Variants in HIVEP3 observed in about 807,000 individuals in gnomAD.
The protein encoded by HIVEP3 is HIVEP zinc finger 3, also known as transcription factor HIVEP3.
HIVEP3 carries 49 observed loss-of-function variants against 152.8 expected under a neutral mutation model. The ratio of observed to expected loss-of-function variants is 0.32; its 90% confidence interval spans 0.26 to 0.41. HIVEP3 has a LOEUF of 0.41. HIVEP3 is among the 10% of genes least tolerant of loss of function. The pLI is 1.00. For synonymous variants in HIVEP3, 1,269 were observed against 1,289.0 expected, an observed-to-expected ratio of 0.98 and a Z score of 0.33; for missense variants, 2,790 against 3,103.3, an observed-to-expected ratio of 0.90 and a Z score of 2.40.
At chr1:41,978,901 C>A (rs1645278391) in intron 1 of HIVEP3, among the ~76,000 whole-genome samples, 1 of 152,126 alleles carries the variant, frequency 6.6e-6, no homozygotes, top group Non-Finnish European at 1.5e-5. Context: ...ACCCCTGCCC[C>A]AACGATCACT....
chr1:41,531,107 A>C (rs912143110), intron 5 of HIVEP3, among the ~76,000 whole-genome samples: 1 of 147,002 alleles, frequency 6.8e-6, no homozygotes, highest in Non-Finnish European at 1.5e-5. Context: ...GATGGGAGAG[A>C]AGGGAGGACA....
Position 41,584,299 on chromosome 1 carries a change from G to A in HIVEP3, c.499C>T (p.Arg167Cys), listed in dbSNP as rs745622106. 57 of 1,613,664 alleles carry A rather than the reference G, an allele frequency of 3.5e-5. No individual in the cohort carries two copies. The highest frequency in any genetic ancestry group is 1.1e-4 in the East Asian group (5 of 44,878). ...LPGVPKVFVP[R>C]PSQVSLKPTE... ...GGCTTCAAGGAGACCTGGGAAGGAC[G>A]AGGCACGAAGACTTTGGGGACTCCA... is the stretch of plus-strand genomic sequence containing the variant. The change falls in exon 4 of 9, where the codon CGT becomes TGT. Residue 167 changes from arginine (R) to cysteine (C), a missense_variant. Around this residue, in one of 9 missense-constraint regions of HIVEP3, gnomAD observed 209 missense variants for 237.0 expected, o/e 0.88. Transcript: ENST00000372583. The surrounding 1 kb of genome is among the most constrained non-coding windows in gnomAD (Gnocchi z 5.2).
In HIVEP3 at chr1:41,994,438, A is replaced by G. The variant is rs561378191; in HGVS notation, n.119+41369T>C. ...TTGAATTGTAATTCCCAATGTTGGGAAAGGGACCTGATGGTAGGTAATTGG... is the reference window on the plus strand; with the variant it reads ...TTGAATTGTAATTCCCAATGTTGGGGAAGGGACCTGATGGTAGGTAATTGG... On this transcript the variant is annotated intron_variant and non_coding_transcript_variant, in intron 1 of 3. Transcript: ENST00000489103. Among the ~76,000 whole-genome samples the G allele has an allele frequency of 3.9e-5, 6 of 152,260 alleles. No individual in the cohort carries two copies. The East Asian group carries it at 9.7e-4, about 25-fold the overall frequency.
At chr1:41,628,196 T>C (rs1401482633) in intron 3 of HIVEP3, among the ~76,000 whole-genome samples, 3 of 152,162 alleles carry the variant, frequency 2.0e-5, no homozygotes, top group African/African-American at 4.8e-5. Flanking sequence ...CCAAGAATCA[T>C]TGCCCCAACC....
intron 1 of HIVEP3, among the ~76,000 whole-genome samples, chr1:41,927,144 C>G (rs1439842520): frequency 6.6e-6 from 1 of 152,216 alleles, no homozygotes; most frequent in Non-Finnish European, 1.5e-5. Flanking sequence ...TTCCCTGAGT[C>G]TTGTAAGCTT....
At chr1:41,649,221 A>ACCCTT (rs1645507909) in intron 2 of HIVEP3, among the ~76,000 whole-genome samples, 4 of 152,162 alleles carry the variant, frequency 2.6e-5, no homozygotes, top group Non-Finnish European at 5.9e-5. Context: ...GGGAGACAAA[A>ACCCTT]ATGTCTCCCA....
chr1:41,636,468 C>T (rs1558135085), intron 2 of HIVEP3, among the ~76,000 whole-genome samples: 1 of 152,196 alleles, frequency 6.6e-6, no homozygotes, highest in East Asian at 1.9e-4. Context: ...AATCTAACTA[C>T]ATAAAAATAT....
chr1:41,720,665 A>G (rs1646661584), intron 1 of HIVEP3, among the ~76,000 whole-genome samples: 1 of 152,218 alleles, frequency 6.6e-6, no homozygotes, highest in African/African-American at 2.4e-5. Flanking sequence ...TAAAAATAGA[A>G]CTACCATATG....
intron 1 of HIVEP3, among the ~76,000 whole-genome samples, chr1:41,726,570 G>T (rs915121369): frequency 1.3e-5 from 2 of 152,194 alleles, no homozygotes; most frequent in African/African-American, 4.8e-5. Flanking sequence ...GCCTCACCAC[G>T]ATTTGAACTG....
intron 7 of HIVEP3, among the ~76,000 whole-genome samples, chr1:41,515,917 T>C (rs1172155608): frequency 6.6e-6 from 1 of 152,110 alleles, no homozygotes; most frequent in Non-Finnish European, 1.5e-5. Flanking sequence ...TGGGGTGGGA[T>C]TGTCAGCATT....
chr1:41,857,983 A>ATCAATCAATCTCTCTCTCTC (rs1553123644), intron 1 of HIVEP3, among the ~76,000 whole-genome samples: 1 of 148,484 alleles, frequency 6.7e-6, no homozygotes, highest in Non-Finnish European at 1.5e-5. Flanking sequence ...CAATCAATCA[A>ATCAATCAATCTCTCTCTCTC]TCTCTCTCTC....
At chr1:41,719,935 G>A (rs1646651506) in intron 1 of HIVEP3, among the ~76,000 whole-genome samples, 1 of 152,236 alleles carries the variant, frequency 6.6e-6, no homozygotes, top group African/African-American at 2.4e-5. Flanking sequence ...CATCAGGCCA[G>A]GCTGTCTCTT....
In HIVEP3 at chr1:41,582,501, G is replaced by C. The variant is rs759303372; in HGVS notation, c.2297C>G (p.Ser766Cys). Residue 766 changes from serine to cysteine, a missense_variant, in exon 4 of 9, where the codon TCC becomes TGC. This residue lies in a region of HIVEP3 where 339 missense variants were observed against 327.0 expected (regional missense o/e 1.04). Transcript: ENST00000372583. This position sits in a 1 kb window ranked among gnomAD's most constrained non-coding sequence, Gnocchi z 4.7. ...SPAEPSKSVP[S>C]LEGPTGFQPR... ...CTGGAAGCCCGTGGGTCCCTCCAAG[G>C]AGGGCACTGATTTACTTGGTTCTGC... The C allele has an allele frequency of 6.2e-7, 1 of 1,612,628 alleles. No individual in the cohort carries two copies. Among genetic ancestry groups the C allele is most frequent in the South Asian group, 1.1e-5 (1 of 90,888 alleles).
chr1:41,600,744 A>G (rs1325661064), intron 3 of HIVEP3, among the ~76,000 whole-genome samples: 3 of 152,218 alleles, frequency 2.0e-5, no homozygotes, highest in African/African-American at 7.2e-5. Flanking sequence ...ACTACAAGCA[A>G]GAGGTTATCT....
In HIVEP3 at chr1:41,584,473, T is replaced by C. The variant is rs1644472476; in HGVS notation, c.325A>G (p.Lys109Glu). The change falls in exon 4 of 9, where the codon AAA (lysine) becomes GAA (glutamate). Residue 109 changes from lysine to glutamate, a missense_variant. Physicochemically the swap from Lys to Glu is moderately conservative, Grantham distance 56. This residue lies in a region of HIVEP3 where 209 missense variants were observed against 237.0 expected (regional missense o/e 0.88). Coordinates refer to ENST00000372583, the MANE Select transcript of HIVEP3 (RefSeq NM_024503.5). This position sits in a 1 kb window ranked among gnomAD's most constrained non-coding sequence, Gnocchi z 5.2. ...PLTPAFMSPG[K>E]PEHLLEGSTW... ...GACCCCTCCAGGAGATGCTCAGGTT[T>C]GCCAGGCGACATGAATGCTGGTGTC... 1.2e-6 allele frequency: 2 copies of C among 1,614,096 alleles called. No homozygotes were observed. Among genetic ancestry groups the C allele is most frequent in the Non-Finnish European group, 1.7e-6 (2 of 1,179,998 alleles).
intron 2 of HIVEP3, among the ~76,000 whole-genome samples, chr1:41,694,691 A>G (rs1409998196): frequency 6.6e-6 from 1 of 152,210 alleles, no homozygotes; most frequent in Non-Finnish European, 1.5e-5. Context: ...ACCAAGCAAC[A>G]GGGCACTTCT....
intron 2 of HIVEP3, among the ~76,000 whole-genome samples, chr1:41,631,657 C>T (rs1298004699): frequency 1.3e-5 from 2 of 152,134 alleles, no homozygotes; most frequent in Admixed American, 6.5e-5. Flanking sequence ...CCTCCTACCC[C>T]CAGGGCAGCA....
intron 1 of HIVEP3, among the ~76,000 whole-genome samples, chr1:41,794,557 A>G (rs528585892): frequency 1.5e-3 from 230 of 152,300 alleles, no homozygotes; most frequent in African/African-American, 5.4e-3. Flanking sequence ...GTTGTTTACC[A>G]TGCCTGGGTC....
At chr1:41,643,120 C>T (rs1645400588) in intron 2 of HIVEP3, among the ~76,000 whole-genome samples, 1 of 152,172 alleles carries the variant, frequency 6.6e-6, no homozygotes, top group Non-Finnish European at 1.5e-5. Flanking sequence ...CATGTGACTC[C>T]CATCCTTTTC....
Sources: gnomAD v4.1 joint callset for allele counts (sites outside exome capture counted in the v4.1 genomes callset) on GRCh38, gnomAD v4.1.1 for gene constraint, gnomAD v4.1.1 regional missense constraint, Gnocchi (gnomAD v3.1) non-coding constraint, MANE v1.5 for transcripts, NCBI Gene and HGNC (gene_info 2026-07-23, HGNC 2026-07-21) for gene names.